Variants in KDM4C observed in about 807,000 individuals in gnomAD.
KDM4C encodes the protein lysine demethylase 4C, also known as lysine-specific demethylase 4C.
KDM4C carries 81 observed loss-of-function variants against 129.3 expected under a neutral mutation model. That is an observed-to-expected ratio of 0.63 (90% confidence interval 0.52 to 0.75). The LOEUF (loss-of-function observed/expected upper bound fraction) is 0.75, where lower values mean the gene tolerates loss of function less well. Ranked by LOEUF, KDM4C falls within the 30% of genes least tolerant of loss-of-function variation. The pLI, the probability that KDM4C is intolerant of heterozygous loss-of-function variation, is 0.00. For synonymous variants in KDM4C, 573 were observed against 456.1 expected (o/e 1.26, Z -3.26); for missense variants, 1,457 against 1,304.0 (o/e 1.12, Z -1.81).
chr9:7,075,183 C>A (rs533200331), intron 17 of KDM4C, among the ~76,000 whole-genome samples: 1 of 152,168 alleles, frequency 6.6e-6, no homozygotes, highest in Admixed American at 6.5e-5. Flanking sequence ...TCCCCCAGAA[C>A]GGATCCCAGC....
intron 1 of KDM4C, among the ~76,000 whole-genome samples, chr9:6,722,548 T>C (rs999050100): frequency 6.6e-6 from 1 of 151,498 alleles, no homozygotes; most frequent in East Asian, 1.9e-4. Flanking sequence ...AGTTTTGCTC[T>C]TGTTGCCCAG....
At chr9:7,042,501 T>C (rs989065447) in intron 15 of KDM4C, among the ~76,000 whole-genome samples, 7 of 152,238 alleles carry the variant, frequency 4.6e-5, no homozygotes, top group Admixed American at 6.5e-5. Flanking sequence ...CAAATTGTTA[T>C]ATGCTGTCGG....
intron 15 of KDM4C, among the ~76,000 whole-genome samples, chr9:7,035,496 C>T (rs960023327): frequency 3.3e-5 from 5 of 151,216 alleles, no homozygotes; most frequent in African/African-American, 1.2e-4. Flanking sequence ...CTTGATATAT[C>T]CCATTTGTTT....
intron 8 of KDM4C, among the ~76,000 whole-genome samples, chr9:6,901,608 A>T (rs1426076739): frequency 3.3e-5 from 5 of 152,192 alleles, no homozygotes; most frequent in Non-Finnish European, 7.3e-5. Context: ...ACTTGAAAAC[A>T]TCCTTTTATG....
At chr9:6,789,732 A>T (rs1341803491) in intron 1 of KDM4C, among the ~76,000 whole-genome samples, 2 of 152,002 alleles carry the variant, frequency 1.3e-5, no homozygotes. Context: ...CCTGAAGCCC[A>T]TGAATTTGGG....
chr9:7,153,114 G>A (rs1029363130), intron 19 of KDM4C, among the ~76,000 whole-genome samples: 39 of 151,642 alleles, frequency 2.6e-4, no homozygotes, highest in African/African-American at 9.2e-4. Context: ...CTTCTTTTTT[G>A]TTTTATAGAG....
intron 1 of KDM4C, among the ~76,000 whole-genome samples, chr9:6,732,787 C>T (rs1817395268): frequency 6.6e-6 from 1 of 151,856 alleles, no homozygotes; most frequent in East Asian, 1.9e-4. Flanking sequence ...CCGAGATGGG[C>T]AGATCATTTG....
chr9:6,948,221 C>CT (rs1827324796), intron 8 of KDM4C: 1 of 152,164 alleles, frequency 6.6e-6, no homozygotes. Flanking sequence ...TGTTTTGTGA[C>CT]TTACACAGTT....
Position 6,739,313 on chromosome 9 carries a change from C to T in KDM4C, c.49+18316C>T, listed in dbSNP as rs114709558. Reference sequence around the variant, plus strand: ...GTCTTGAACTCCTGTCCTCAGGTGACCTGTCCCCCTGCACCTCCCAAAGTG... The same window carrying T: ...GTCTTGAACTCCTGTCCTCAGGTGATCTGTCCCCCTGCACCTCCCAAAGTG... On this transcript the variant is annotated intron_variant, in intron 1 of 17. Coordinates refer to the KDM4C transcript ENST00000536108. Among the ~76,000 whole-genome samples the T allele has an allele frequency of 9.5e-3, 1,444 of 151,758 alleles. 22 individuals are homozygous for T. Among genetic ancestry groups the T allele is most frequent in the African/African-American group, 0.033 (1,375 of 41,382 alleles).
chr9:6,944,818 A>T (rs1826647683), intron 8 of KDM4C, among the ~76,000 whole-genome samples: 1 of 151,984 alleles, frequency 6.6e-6, no homozygotes, highest in African/African-American at 2.4e-5. Flanking sequence ...ATGCTGGCAG[A>T]ATGTGGGGGC....
At chr9:6,918,638 C>A (rs1820769376) in intron 8 of KDM4C, among the ~76,000 whole-genome samples, 1 of 152,164 alleles carries the variant, frequency 6.6e-6, no homozygotes, top group Non-Finnish European at 1.5e-5. Flanking sequence ...TCCCTACCAG[C>A]AGTGTATGTG....
At chr9:7,072,294 C>G (rs923281537) in intron 17 of KDM4C, among the ~76,000 whole-genome samples, 1 of 152,136 alleles carries the variant, frequency 6.6e-6, no homozygotes, top group African/African-American at 2.4e-5. Flanking sequence ...CCAGCAATCC[C>G]ACTTCTAGGA....
At chr9:7,169,767 A>G in intron 20 of KDM4C, 31 bp from the exon 21 acceptor site, 1 of 1,551,968 alleles carries the variant, frequency 6.4e-7, no homozygotes, top group South Asian at 1.2e-5. Flanking sequence ...TGTTTTTTTA[A>G]TATGTATCAT....
chr9:7,150,389 C>T (rs1053241253), intron 19 of KDM4C, among the ~76,000 whole-genome samples: 3 of 152,144 alleles, frequency 2.0e-5, no homozygotes, highest in African/African-American at 4.8e-5. Context: ...CCTGGGAGGG[C>T]GGGTCACAGA....
chr9:6,731,642 A>G (rs541347061), intron 1 of KDM4C, among the ~76,000 whole-genome samples: 4 of 152,154 alleles, frequency 2.6e-5, no homozygotes, highest in African/African-American at 4.8e-5. Flanking sequence ...AAGCAACTCC[A>G]TTTTTGTTTG....
intron 8 of KDM4C, among the ~76,000 whole-genome samples, chr9:6,970,509 C>A (rs1483468123): frequency 1.3e-5 from 2 of 152,166 alleles, no homozygotes; most frequent in African/African-American, 2.4e-5. Context: ...AAGTGCTGGA[C>A]TTCCTGTTAG....
chr9:7,084,392 A>G (rs1408623388), intron 17 of KDM4C, among the ~76,000 whole-genome samples: 1 of 152,240 alleles, frequency 6.6e-6, no homozygotes, highest in Non-Finnish European at 1.5e-5. Context: ...GGTGTTAGAG[A>G]TGATTGTTAC....
intron 19 of KDM4C, among the ~76,000 whole-genome samples, chr9:7,153,171 C>T (rs2130165408): frequency 6.6e-6 from 1 of 152,306 alleles, no homozygotes; most frequent in Non-Finnish European, 1.5e-5. Context: ...CTCCTGAGCT[C>T]AAGTGATCCT....
chr9:6,897,204 T>G (rs1246844305), intron 8 of KDM4C, among the ~76,000 whole-genome samples: 1 of 152,196 alleles, frequency 6.6e-6, no homozygotes, highest in Non-Finnish European at 1.5e-5. Flanking sequence ...TCAAACAGAC[T>G]TTTTTTGTGT....
Sources: gnomAD v4.1 joint callset for allele counts (sites outside exome capture counted in the v4.1 genomes callset) on GRCh38, gnomAD v4.1.1 for gene constraint, MANE v1.5 for transcripts, NCBI Gene and HGNC (gene_info 2026-07-23, HGNC 2026-07-21) for gene names.